Variants in GPC3 observed in about 807,000 individuals in gnomAD.
GPC3 encodes glypican-3.
In GPC3, 3 loss-of-function variants were observed where a neutral mutation model predicts 34.4. The ratio of observed to expected loss-of-function variants is 0.09; its 90% CI spans 0.04 to 0.23. The LOEUF (loss-of-function observed/expected upper bound fraction) is 0.23. Among genes scored for constraint, GPC3 ranks in the 10% least tolerant of loss-of-function variants. The pLI is 1.00. For synonymous variants in GPC3, 177 were observed against 174.0 expected, an observed-to-expected ratio of 1.02 and a Z score of -0.13; for missense variants, 351 against 445.6, an observed-to-expected ratio of 0.79 and a Z score of 1.91.
chrX:133,699,204 G>C (rs2071143862), intron 4 of GPC3, among the ~76,000 whole-genome samples: 1 of 111,848 alleles, frequency 8.9e-6, no homozygotes, highest in Non-Finnish European at 1.9e-5. Flanking sequence ...AGGTCAATAG[G>C]AACAACTCAT....
At chrX:133,981,078 A>G (rs986992414) in intron 1 of GPC3, among the ~76,000 whole-genome samples, 2 of 112,723 alleles carry the variant, frequency 1.8e-5, no homozygotes, top group Non-Finnish European at 3.7e-5. Context: ...AATTTGCTCC[A>G]AGAATTAAGA....
chrX:133,626,224 C>A (rs1354645829), intron 6 of GPC3, among the ~76,000 whole-genome samples: 1 of 111,653 alleles, frequency 9.0e-6, no homozygotes, highest in Non-Finnish European at 1.9e-5. Context: ...AGAAGAAAAC[C>A]TAGGCAATAC....
At chrX:133,827,159 T>A (rs1253951421) in intron 2 of GPC3, among the ~76,000 whole-genome samples, 1 of 111,782 alleles carries the variant, frequency 8.9e-6, no homozygotes. Context: ...CATTCCCAGA[T>A]AAACAAAAAC....
intron 2 of GPC3, among the ~76,000 whole-genome samples, chrX:133,897,202 G>A (rs1442655927): frequency 6.0e-5 from 6 of 99,266 alleles, no homozygotes; most frequent in Admixed American, 1.1e-4. Context: ...TACCGTGCCC[G>A]GCCTTTTTTT....
intron 3 of GPC3, among the ~76,000 whole-genome samples, chrX:133,712,229 G>C (rs1225967534): frequency 8.9e-6 from 1 of 111,913 alleles, no homozygotes; most frequent in East Asian, 2.8e-4. Context: ...TCATGGAAGA[G>C]AGGGATCTAC....
intron 2 of GPC3, among the ~76,000 whole-genome samples, chrX:133,782,368 T>C (rs1045241481): frequency 2.7e-5 from 3 of 112,120 alleles, no homozygotes; most frequent in African/African-American, 9.7e-5. Flanking sequence ...AACTCTGTGA[T>C]AGAAATGTAA....
chrX:133,696,814 A>G (rs1330643984), intron 4 of GPC3, among the ~76,000 whole-genome samples: 2 of 112,882 alleles, frequency 1.8e-5, no homozygotes, highest in African/African-American at 6.4e-5. Context: ...CAAACATAGC[A>G]TTGACATACA....
At chrX:133,581,124 G>A (rs2069727664) in intron 7 of GPC3, among the ~76,000 whole-genome samples, 1 of 112,605 alleles carries the variant, frequency 8.9e-6, no homozygotes, top group Non-Finnish European at 1.9e-5. Flanking sequence ...TTGACCTGCA[G>A]GAATACCATT....
intron 2 of GPC3, among the ~76,000 whole-genome samples, chrX:133,939,775 T>C (rs1199238780): frequency 1.8e-5 from 2 of 111,728 alleles, no homozygotes; most frequent in African/African-American, 6.5e-5. Flanking sequence ...ACCACTTAAA[T>C]TTGTTGAAGA....
At chrX:133,842,415 C>T (rs897403720) in intron 2 of GPC3, among the ~76,000 whole-genome samples, 7 of 103,379 alleles carry the variant, frequency 6.8e-5, no homozygotes, top group African/African-American at 2.7e-4. Context: ...ATATATAATA[C>T]ATTATATATG....
chrX:133,686,965 A>G (rs2071011639), intron 5 of GPC3, among the ~76,000 whole-genome samples: 2 of 108,272 alleles, frequency 1.8e-5, no homozygotes, highest in Admixed American at 1.0e-4. Context: ...TCGCTTTGTC[A>G]CCCAGGCTGG....
intron 2 of GPC3, among the ~76,000 whole-genome samples, chrX:133,869,399 C>T (rs2075983788): frequency 8.9e-6 from 1 of 111,823 alleles, no homozygotes; most frequent in African/African-American, 3.3e-5. Flanking sequence ...TCACCGAAAG[C>T]GCACCCAGAA....
At chrX:133,624,134 G>A (rs1350865020) in intron 6 of GPC3, among the ~76,000 whole-genome samples, 1 of 111,688 alleles carries the variant, frequency 9.0e-6, no homozygotes, top group Non-Finnish European at 1.9e-5. Flanking sequence ...CAACATACCA[G>A]AATCTCTGGG....
In GPC3 at chrX:133,705,127, T is replaced by C. The variant is rs768343860; in HGVS notation, c.1033-5099A>G. On this transcript the variant is annotated intron_variant, in intron 3 of 7. Transcript: ENST00000370818. ...AACCTAGTGCTTCACAGATAACTTCTACATCCATTCTCCATTCTCTTCACT... is the reference window on the plus strand; with the variant it reads ...AACCTAGTGCTTCACAGATAACTTCCACATCCATTCTCCATTCTCTTCACT... Among the ~76,000 whole-genome samples, 4 of 112,354 alleles carry C rather than the reference T, an allele frequency of 3.6e-5. 1 individual carries two copies. The South Asian group carries it at 1.5e-3, about 42-fold the overall frequency.
chrX:133,754,190 A>T lies in GPC3; in HGVS notation c.338-14T>A. The T allele has an allele frequency of 9.0e-7, 1 of 1,105,706 alleles. No individual in the cohort carries two copies. Among genetic ancestry groups the T allele is most frequent in the East Asian group, 3.0e-5 (1 of 33,433 alleles). The allele number at this position is 1,105,706 out of a possible 1,213,427, so 91.1% of individuals were successfully genotyped here. A position where few individuals can be genotyped will look rare whatever the true frequency, so the allele number is the denominator to read the frequency against. On this transcript the variant is annotated splice_polypyrimidine_tract_variant and intron_variant, in intron 2 of 7. Transcript: ENST00000370818. Reference sequence around the variant, plus strand: ...TTTCAAAGGCCTCTGTAAAAAAAAAAAAAAAAGAGACACAAAAATGTGTAC... The same window carrying T: ...TTTCAAAGGCCTCTGTAAAAAAAAATAAAAAAGAGACACAAAAATGTGTAC...
At chrX:133,620,493 G>C (rs1352212392) in intron 6 of GPC3, among the ~76,000 whole-genome samples, 1 of 110,761 alleles carries the variant, frequency 9.0e-6, no homozygotes, top group East Asian at 2.8e-4. Flanking sequence ...GAGCCATCAA[G>C]AATGTAAACC....
At chrX:133,796,007 G>A (rs1304626915) in intron 2 of GPC3, among the ~76,000 whole-genome samples, 1 of 99,590 alleles carries the variant, frequency 1.0e-5, no homozygotes, top group African/African-American at 3.8e-5. Flanking sequence ...GTGCAGTGGC[G>A]CAATCTTGGC....
intron 5 of GPC3, among the ~76,000 whole-genome samples, chrX:133,673,129 C>T (rs1375613529): frequency 1.8e-5 from 2 of 109,058 alleles, no homozygotes; most frequent in Non-Finnish European, 3.8e-5. Flanking sequence ...TTAGTAGAGA[C>T]GGGGTTTCAC....
At chrX:133,876,140 T>G (rs765039606) in intron 2 of GPC3, among the ~76,000 whole-genome samples, 1 of 112,414 alleles carries the variant, frequency 8.9e-6, no homozygotes, top group South Asian at 3.7e-4. Context: ...TTTAGGCAAT[T>G]ACTGTAACAT....
Sources: allele counts gnomAD v4.1 joint callset (sites outside exome capture counted in the v4.1 genomes callset), GRCh38; gene constraint gnomAD v4.1.1; transcripts MANE v1.5; gene names NCBI Gene and HGNC (gene_info 2026-07-23, HGNC 2026-07-21).